Variants in ATP4B observed in about 807,000 individuals in gnomAD.
The protein encoded by ATP4B is potassium-transporting ATPase subunit beta.
A neutral mutation model predicts 35.3 loss-of-function variants in ATP4B; 27 were observed. The observed-to-expected ratio is 0.76, with a 90% confidence interval of 0.56 to 1.05. The LOEUF is 1.05. Ranked by LOEUF, ATP4B falls within the 50% of genes least tolerant of loss-of-function variation. The pLI is 0.00. For synonymous variants in ATP4B, 162 were observed against 156.0 expected, an observed-to-expected ratio of 1.04 and a Z score of -0.29; for missense variants, 375 against 384.8, an observed-to-expected ratio of 0.97 and a Z score of 0.21.
At chr13:113,653,101 T>TCCTGCCCTGG in intron 3 of ATP4B, 29 bp from the exon 4 acceptor site, 3 of 1,594,910 alleles carry the variant, frequency 1.9e-6, no homozygotes, top group Non-Finnish European at 2.6e-6. Flanking sequence ...GCCAGCCCTG[T>TCCTGCCCTGG]CCTGCCCTGG....
At chr13:113,652,146 C>A (rs1438880668) in intron 4 of ATP4B, among the ~76,000 whole-genome samples, 2 of 152,236 alleles carry the variant, frequency 1.3e-5, no homozygotes, top group Non-Finnish European at 2.9e-5. Context: ...TTCCCCACAC[C>A]TCTTCCCTGG....
intron 5 of ATP4B, among the ~76,000 whole-genome samples, chr13:113,651,381 C>T (rs1366083734): frequency 6.6e-6 from 1 of 152,208 alleles, no homozygotes. Flanking sequence ...GTGGAAGGTG[C>T]ACTGGTCTTT....
rs751989884 is a variant in ATP4B, at chr13:113,658,018, GC to G, written c.112+14del. The G allele has an allele frequency of 1.5e-5, 23 of 1,582,780 alleles. No homozygotes were observed. Among genetic ancestry groups the G allele is most frequent in the African/African-American group, 1.1e-4 (8 of 74,278 alleles). ...CCCCCTCCATGCACCCAGCCGGCCCGCCCCCCGCACGTACCCCACCGGGACA... is the reference window on the plus strand; with the variant it reads ...CCCCCTCCATGCACCCAGCCGGCCCGCCCCCGCACGTACCCCACCGGGACA... On this transcript the variant is annotated intron_variant, in intron 1 of 6. Transcript: ENST00000335288.
Position 113,653,506 on chromosome 13 carries a change from C to T in ATP4B, c.242-72G>A, listed in dbSNP as rs1468813232. On this transcript the variant is annotated intron_variant, in intron 2 of 6. Transcript: ENST00000335288. ...ATTTAAGCCATCAGTTCTGAAGTGGCTGAGGATACGCCAGAGGCGGTGGCC... is the reference window on the plus strand; with the variant it reads ...ATTTAAGCCATCAGTTCTGAAGTGGTTGAGGATACGCCAGAGGCGGTGGCC... 7.1e-6 allele frequency: 10 copies of T among 1,410,656 alleles called. No homozygotes were observed. In the Admixed American group the frequency reaches 1.7e-4, roughly 24 times the overall value. 87.4% of individuals were successfully genotyped at this position (1,410,656 alleles called of 1,614,324 possible).
chr13:113,658,013 G>T lies in ATP4B; in HGVS notation c.112+20C>A. On this transcript the variant is annotated intron_variant, in intron 1 of 6. Transcript: ENST00000335288. Reference sequence around the variant, plus strand: ...AGCGGCCCCCTCCATGCACCCAGCCGGCCCGCCCCCCGCACGTACCCCACC... The same window carrying T: ...AGCGGCCCCCTCCATGCACCCAGCCTGCCCGCCCCCCGCACGTACCCCACC... 2 of 1,576,908 alleles carry T rather than the reference G, an allele frequency of 1.3e-6. No homozygotes were observed. Among genetic ancestry groups the T allele is most frequent in the Non-Finnish European group, 8.6e-7 (1 of 1,163,682 alleles).
Position 113,653,111 on chromosome 13 carries a change from G to T in ATP4B, c.356-39C>A, listed in dbSNP as rs112567184. 1.8e-4 allele frequency: 282 copies of T among 1,580,672 alleles called. No individual in the cohort carries two copies. The African/African-American group carries it at 3.4e-3, about 19-fold the overall frequency. ...CACCTGCCAGCCCTGTCCTGCCCTGGCCCTGACGCCTGGCTGCCCCCCGGG... is the reference window on the plus strand; with the variant it reads ...CACCTGCCAGCCCTGTCCTGCCCTGTCCCTGACGCCTGGCTGCCCCCCGGG... On this transcript the variant is annotated intron_variant, in intron 3 of 6. Transcript: ENST00000335288.
chr13:113,653,828 A>G (rs890909461), intron 2 of ATP4B, among the ~76,000 whole-genome samples: 1 of 152,236 alleles, frequency 6.6e-6, no homozygotes, highest in African/African-American at 2.4e-5. Context: ...GTCTAACAAC[A>G]TGTTAACTGT....
intron 1 of ATP4B, among the ~76,000 whole-genome samples, chr13:113,656,611 G>A (rs952299427): frequency 5.9e-5 from 9 of 152,194 alleles, no homozygotes; most frequent in African/African-American, 1.4e-4. Flanking sequence ...GGGGCCGGCC[G>A]GGTGCAGCTC....
chr13:113,651,269 T>C (rs920295269), intron 5 of ATP4B, among the ~76,000 whole-genome samples: 3 of 152,236 alleles, frequency 2.0e-5, no homozygotes, highest in Admixed American at 1.3e-4. Context: ...CTGAGATCGA[T>C]GCCAACTCTT....
chr13:113,654,252 C>A (rs190092838), intron 2 of ATP4B, among the ~76,000 whole-genome samples: 1 of 152,292 alleles, frequency 6.6e-6, no homozygotes, highest in African/African-American at 2.4e-5. Context: ...AAACCTTCAG[C>A]AGGGTCTGAG....
rs2049741225 is a variant in ATP4B at position 113,654,871 on chromosome 13, G to A, written c.184C>T (p.Leu62=). The part of the protein sequence containing the change: ...TGLFALCLYV[L]MQTVDPYTPD... Reference sequence around the variant, plus strand: ...GTGTACGGGTCCACTGTCTGCATCAGCACATAGAGGCACAGGGCGAAGAGC... The same window carrying A: ...GTGTACGGGTCCACTGTCTGCATCAACACATAGAGGCACAGGGCGAAGAGC... The change falls in exon 2 of 7, where the codon CTG becomes TTG. Residue 62 remains leucine, a synonymous_variant. Transcript: ENST00000335288. 4 of 1,613,920 alleles carry A rather than the reference G, an allele frequency of 2.5e-6. No homozygotes were observed. The highest frequency in any genetic ancestry group is 3.4e-6 in the Non-Finnish European group (4 of 1,180,048).
intron 2 of ATP4B, among the ~76,000 whole-genome samples, chr13:113,654,330 C>T (rs374408788): frequency 6.6e-6 from 1 of 152,222 alleles, no homozygotes; most frequent in Non-Finnish European, 1.5e-5. Context: ...TCTGACGACT[C>T]GGATGCCTGT....
chr13:113,658,101 T>G lies in ATP4B; in HGVS notation c.44A>C (p.Glu15Ala), dbSNP rs1046559383. 1.4e-5 allele frequency: 23 copies of G among 1,612,774 alleles called. No homozygotes were observed. Among genetic ancestry groups the G allele is most frequent in the Non-Finnish European group, 1.9e-5 (22 of 1,179,774 alleles). The change falls in exon 1 of 7, where the codon GAG (glutamate) becomes GCG (alanine). Residue 15 changes from glutamate (E) to alanine (A), a missense_variant. Transcript: ENST00000335288. ...GTTCCAGCAGTAACGCTGGAACTCC[T>G]CCATGCGCTGGCCACACGTCTTCTT... is the stretch of plus-strand genomic sequence containing the variant. ...QEKKTCGQRMEEFQRYCWNPD... is the reference protein window; with the variant it reads ...QEKKTCGQRMAEFQRYCWNPD...
chr13:113,650,911 C>T lies in ATP4B; in HGVS notation c.613-404G>A, dbSNP rs112619301. Among the ~76,000 whole-genome samples the T allele has an allele frequency of 0.046, 7,016 of 152,160 alleles. 247 individuals are homozygous for T. The highest frequency in any genetic ancestry group is 0.072 in the Non-Finnish European group (4,921 of 67,998). On this transcript the variant is annotated intron_variant, in intron 5 of 6. Coordinates refer to ENST00000335288, the MANE Select transcript of ATP4B (RefSeq NM_000705.4). The surrounding 1 kb of genome is among the most constrained non-coding windows in gnomAD (Gnocchi z 5.0). ...CGTTTTTGTGAGATTGGGGCCCTCT[C>T]GTTTCAGAAGCAGAGGCTTGCCCAG...
intron 1 of ATP4B, among the ~76,000 whole-genome samples, chr13:113,657,721 C>A (rs1345622169): frequency 6.6e-6 from 1 of 152,268 alleles, no homozygotes; most frequent in African/African-American, 2.4e-5. Context: ...CAAAATGATT[C>A]ACTTTAGAAA....
At chr13:113,656,951 G>A (rs1314926947) in intron 1 of ATP4B, among the ~76,000 whole-genome samples, 1 of 152,150 alleles carries the variant, frequency 6.6e-6, no homozygotes, top group Non-Finnish European at 1.5e-5. Context: ...GCCCCGCCTG[G>A]CCCAGGAGGC....
chr13:113,657,579 C>T (rs1054587897), intron 1 of ATP4B, among the ~76,000 whole-genome samples: 2 of 152,248 alleles, frequency 1.3e-5, no homozygotes, highest in Non-Finnish European at 1.5e-5. Flanking sequence ...TTACTCCCCA[C>T]CTCCGCATCT....
intron 1 of ATP4B, 141 bp from the exon 2 acceptor site, chr13:113,655,083 C>T: frequency 8.5e-7 from 1 of 1,177,370 alleles, no homozygotes; most frequent in Non-Finnish European, 1.2e-6. Context: ...AAAACAGAAA[C>T]CCCGTCCCCA....
At chr13:113,657,185 G>T (rs1001231400) in intron 1 of ATP4B, among the ~76,000 whole-genome samples, 13 of 152,274 alleles carry the variant, frequency 8.5e-5, no homozygotes, top group Middle Eastern at 3.4e-3. Flanking sequence ...CTGGGGCTTT[G>T]CATTCCCACC....
Sources: gnomAD v4.1 joint callset for allele counts (sites outside exome capture counted in the v4.1 genomes callset) on GRCh38, gnomAD v4.1.1 for gene constraint, Gnocchi (gnomAD v3.1) non-coding constraint, MANE v1.5 for transcripts, NCBI Gene and HGNC (gene_info 2026-07-23, HGNC 2026-07-21) for gene names.